PI4KA: variants seen among roughly 807,000 people sequenced by gnomAD.
PI4KA encodes the protein PI4-kinase alpha.
PI4KA carries 122 observed loss-of-function variants against 271.4 expected under a neutral mutation model. The observed-to-expected ratio is 0.45, with a 90% CI of 0.39 to 0.52. The LOEUF is 0.52. Among genes scored for constraint, PI4KA ranks in the 20% least tolerant of loss-of-function variants. The pLI is 0.00. For synonymous variants in PI4KA, 1,041 were observed against 1,078.8 expected, an observed-to-expected ratio of 0.96 and a Z score of 0.69; for missense variants, 1,969 against 2,769.1, an observed-to-expected ratio of 0.71 and a Z score of 6.48.
At chr22:20,846,189 G>C (rs1356668234) in intron 1 of PI4KA, among the ~76,000 whole-genome samples, 1 of 144,980 alleles carries the variant, frequency 6.9e-6, no homozygotes, top group Non-Finnish European at 1.5e-5. Context: ...GCATGAACCC[G>C]GGAGGCAGAG....
intron 1 of PI4KA, among the ~76,000 whole-genome samples, chr22:20,842,926 G>A (rs1047601227): frequency 1.3e-5 from 2 of 151,520 alleles, no homozygotes; most frequent in African/African-American, 2.4e-5. Flanking sequence ...GTGAAACCCC[G>A]TCTCTACTAA....
chr22:20,854,826 G>A (rs1790982221), intron 1 of PI4KA, among the ~76,000 whole-genome samples: 1 of 152,148 alleles, frequency 6.6e-6, no homozygotes, highest in African/African-American at 2.4e-5. Context: ...TATTATCTCA[G>A]GTGCGTACTC....
chr22:20,818,007 C>A (rs1922070550), intron 7 of PI4KA, among the ~76,000 whole-genome samples: 1 of 152,042 alleles, frequency 6.6e-6, no homozygotes, highest in Non-Finnish European at 1.5e-5. Flanking sequence ...TGCCTGTAAT[C>A]CCAGCTACTT....
At chr22:20,786,186 G>A (rs1176201201) in intron 19 of PI4KA, 1 of 1,612,204 alleles carries the variant, frequency 6.2e-7, no homozygotes, top group East Asian at 2.2e-5. Context: ...CCGTCCCCAG[G>A]GTCTGCCTCA....
At chr22:20,762,263 G>A (rs1395697074) in intron 22 of PI4KA, among the ~76,000 whole-genome samples, 2 of 152,176 alleles carry the variant, frequency 1.3e-5, no homozygotes, top group Non-Finnish European at 1.5e-5. Context: ...TAAGCCTCAG[G>A]AGGGCAGGCC....
rs780448066 is a variant in PI4KA, at chr22:20,804,329, G to A, written c.1432C>T (p.His478Tyr). Residue 478 changes from histidine (H) to tyrosine (Y), a missense_variant, in exon 12 of 55, where the codon CAC becomes TAC. His to Tyr is a moderately conservative substitution (Grantham distance 83, BLOSUM62 2). Around this residue, in one of 13 missense-constraint regions of PI4KA, gnomAD observed 228 missense variants for 261.6 expected, o/e 0.87. Coordinates refer to ENST00000255882, the MANE Select transcript of PI4KA (RefSeq NM_058004.4). Reference sequence around the variant, plus strand: ...AGACAGCAGATCAGCAGGGGCAAGTGAGCAATAATGACTTTGCTGGACGTC... The same window carrying A: ...AGACAGCAGATCAGCAGGGGCAAGTAAGCAATAATGACTTTGCTGGACGTC... ...SKTSSKVIIA[H>Y]LPLLICCLQG... 1.9e-6 allele frequency: 3 copies of A among 1,613,766 alleles called. No homozygotes were observed. The highest frequency in any genetic ancestry group is 2.5e-6 in the Non-Finnish European group (3 of 1,179,668).
At chr22:20,854,913 A>G (rs1464780749) in intron 1 of PI4KA, among the ~76,000 whole-genome samples, 2 of 152,176 alleles carry the variant, frequency 1.3e-5, no homozygotes, top group African/African-American at 4.8e-5. Context: ...GCACTTTGGG[A>G]GGCCGAGGTG....
intron 28 of PI4KA, among the ~76,000 whole-genome samples, chr22:20,748,277 T>C (rs559510864): frequency 2.0e-5 from 3 of 152,364 alleles, no homozygotes; most frequent in African/African-American, 7.2e-5. Flanking sequence ...CATTTATTCT[T>C]TCAGCACATC....
intron 32 of PI4KA, among the ~76,000 whole-genome samples, chr22:20,740,663 C>T (rs1929319168): frequency 6.6e-6 from 1 of 152,126 alleles, no homozygotes; most frequent in African/African-American, 2.4e-5. Flanking sequence ...ATAACATATA[C>T]AGTCATCCTT....
chr22:20,710,425 T>C, intron 52 of PI4KA: 1 of 558,936 alleles, frequency 1.8e-6, no homozygotes, highest in South Asian at 2.1e-5. Context: ...GCTCAGGCTT[T>C]GGTGACAGGG....
chr22:20,857,454 C>T (rs1393941518), intron 1 of PI4KA, among the ~76,000 whole-genome samples: 1 of 152,202 alleles, frequency 6.6e-6, no homozygotes, highest in Non-Finnish European at 1.5e-5. Flanking sequence ...CAGCAGACAG[C>T]CACAAAACCA....
Position 20,749,225 on chromosome 22 carries a change from A to G in PI4KA, c.3243+680T>C, listed in dbSNP as rs906209082. Among the ~76,000 whole-genome samples the G allele has an allele frequency of 2.0e-5, 3 of 152,300 alleles. No homozygotes were observed. In the East Asian group the frequency reaches 5.8e-4, roughly 29 times the overall value. On this transcript the variant is annotated intron_variant, in intron 28 of 54. Transcript: ENST00000255882. ...ATCCTTCCTGGACTCCACAACCAGAAACACTTTTGAGCCTGTTTCATCTTT... is the reference window on the plus strand; with the variant it reads ...ATCCTTCCTGGACTCCACAACCAGAGACACTTTTGAGCCTGTTTCATCTTT...
intron 3 of PI4KA, 27 bp downstream of exon 3, chr22:20,834,535 T>G: frequency 7.5e-7 from 1 of 1,337,552 alleles, no homozygotes; most frequent in Non-Finnish European, 1.1e-6. Flanking sequence ...TTCTCTTATA[T>G]TCAGGGAAAA....
At chr22:20,809,153 T>C (rs1377141667) in intron 9 of PI4KA, among the ~76,000 whole-genome samples, 6 of 152,154 alleles carry the variant, frequency 3.9e-5, no homozygotes, top group Non-Finnish European at 8.8e-5. Flanking sequence ...GCTTTGACTC[T>C]GGGAGTCCAG....
intron 20 of PI4KA, 54 bp downstream of exon 20, chr22:20,765,531 C>T (rs1429335216): frequency 3.2e-6 from 4 of 1,239,386 alleles, no homozygotes; most frequent in Non-Finnish European, 4.8e-6. Flanking sequence ...TCTGACCTCA[C>T]CTTTACCTTC....
chr22:20,854,801 A>G (rs1291494250), intron 1 of PI4KA, among the ~76,000 whole-genome samples: 2 of 152,184 alleles, frequency 1.3e-5, no homozygotes, highest in East Asian at 1.9e-4. Context: ...ATCTCCCCCT[A>G]TAAGTCTCCA....
intron 48 of PI4KA, 136 bp from the exon 49 acceptor site, chr22:20,712,933 G>C (rs1925500598): frequency 2.5e-6 from 3 of 1,182,548 alleles, no homozygotes; most frequent in Non-Finnish European, 3.5e-6. Context: ...CAAGAGTCTG[G>C]AAGGCCTTCC....
chr22:20,764,318 A>C (rs964780788), intron 22 of PI4KA, among the ~76,000 whole-genome samples: 27 of 152,194 alleles, frequency 1.8e-4, no homozygotes, highest in Admixed American at 1.8e-3. Context: ...ACATGATAAC[A>C]GCTGTAGATC....
At chr22:20,731,051 TGTCTGTA>T in intron 36 of PI4KA, among the ~76,000 whole-genome samples, 1 of 152,208 alleles carries the variant, frequency 6.6e-6, no homozygotes, top group South Asian at 2.1e-4. Context: ...ACCTGGCATG[TGTCTGTA>T]GTCTTAGCTG....
Sources: allele counts gnomAD v4.1 joint callset (sites outside exome capture counted in the v4.1 genomes callset), GRCh38; gene constraint gnomAD v4.1.1; regional missense constraint gnomAD v4.1.1; transcripts MANE v1.5; gene names NCBI Gene and HGNC (gene_info 2026-07-23, HGNC 2026-07-21).